The following EPHB2 variants were observed in gnomAD, a reference collection of about 807,000 sequenced individuals.
The protein encoded by EPHB2 is ephrin type-B receptor 2.
In EPHB2, 18 loss-of-function variants were observed where a neutral mutation model predicts 96.4. That is an observed-to-expected ratio of 0.19 (90% CI 0.13 to 0.28). The LOEUF (loss-of-function observed/expected upper bound fraction) is 0.28, where lower values mean the gene tolerates loss of function less well. EPHB2 is among the 10% of genes least tolerant of loss of function. The probability of loss-of-function intolerance (pLI) is 1.00; values close to 1 mark genes in which losing one functional copy is unlikely to be tolerated. For missense variants in EPHB2, 989 were observed against 1,355.4 expected, an observed-to-expected ratio of 0.73 and a Z score of 4.25; for synonymous variants, 506 against 534.1, an observed-to-expected ratio of 0.95 and a Z score of 0.72.
At chr1:22,828,687 C>T (rs936770347) in intron 3 of EPHB2, among the ~76,000 whole-genome samples, 3 of 152,118 alleles carry the variant, frequency 2.0e-5, no homozygotes, top group African/African-American at 7.2e-5. Context: ...CACAGTCAAG[C>T]AAGAATTTTA....
At chr1:22,729,911 G>A (rs1643668863) in intron 1 of EPHB2, among the ~76,000 whole-genome samples, 1 of 152,196 alleles carries the variant, frequency 6.6e-6, no homozygotes, top group African/African-American at 2.4e-5. Context: ...TTGGAAGAAT[G>A]AATGAATGAA....
Position 22,729,004 on chromosome 1 carries a change from C to T in EPHB2, c.61+17961C>T, listed in dbSNP as rs371139830. On this transcript the variant is annotated intron_variant, in intron 1 of 15. Transcript: ENST00000374630. ...GGCTGCCGTTCTGTCTGGAGCGCTG[C>T]GTGGAGAAACAAACACAGCTGTGTT... Among the ~76,000 whole-genome samples the T allele has an allele frequency of 2.2e-4, 33 of 152,332 alleles. No homozygotes were observed. The South Asian group carries it at 3.3e-3, about 15-fold the overall frequency.
At chr1:22,772,087 C>T (rs1055024764) in intron 1 of EPHB2, among the ~76,000 whole-genome samples, 5 of 150,422 alleles carry the variant, frequency 3.3e-5, no homozygotes, top group Non-Finnish European at 5.9e-5. Flanking sequence ...GCAACCCCGT[C>T]CCAGACCCCC....
chr1:22,742,921 A>T (rs1370189381), intron 1 of EPHB2, among the ~76,000 whole-genome samples: 9 of 150,720 alleles, frequency 6.0e-5, no homozygotes, highest in African/African-American at 2.0e-4. Context: ...ACAGGGTCTC[A>T]TACTCTGTCA....
chr1:22,788,431 C>A (rs1475280231), intron 3 of EPHB2, among the ~76,000 whole-genome samples: 1 of 152,252 alleles, frequency 6.6e-6, no homozygotes. Flanking sequence ...AGGACACCAG[C>A]TGTTGCTGTG....
chr1:22,831,987 G>A (rs1645310819), intron 3 of EPHB2, among the ~76,000 whole-genome samples: 1 of 152,292 alleles, frequency 6.6e-6, no homozygotes, highest in South Asian at 2.1e-4. Context: ...ACTGGGGAGA[G>A]GAAGAATTGG....
At chr1:22,745,238 G>A (rs1033228599) in intron 1 of EPHB2, among the ~76,000 whole-genome samples, 2 of 152,202 alleles carry the variant, frequency 1.3e-5, no homozygotes, top group Non-Finnish European at 2.9e-5. Flanking sequence ...TCATTCATAC[G>A]ATGGAATATG....
intron 5 of EPHB2, among the ~76,000 whole-genome samples, chr1:22,869,836 A>G (rs1638600454): frequency 6.6e-6 from 1 of 152,080 alleles, no homozygotes; most frequent in South Asian, 2.1e-4. Context: ...CGTGGTTGAA[A>G]TTTTACCTTG....
intron 3 of EPHB2, among the ~76,000 whole-genome samples, chr1:22,789,921 C>G (rs1384460505): frequency 6.6e-6 from 1 of 152,132 alleles, no homozygotes; most frequent in Non-Finnish European, 1.5e-5. Flanking sequence ...CTGAGAAACC[C>G]TGACACTCAG....
chr1:22,812,100 G>A (rs1440381915), intron 3 of EPHB2, among the ~76,000 whole-genome samples: 1 of 152,210 alleles, frequency 6.6e-6, no homozygotes, highest in Non-Finnish European at 1.5e-5. Context: ...GGGCAAGTCA[G>A]TTCACTTCTC....
intron 1 of EPHB2, among the ~76,000 whole-genome samples, chr1:22,721,889 TAC>T (rs1369077771): frequency 6.6e-6 from 1 of 152,140 alleles, no homozygotes; most frequent in Non-Finnish European, 1.5e-5. Context: ...GTGCTGGGAT[TAC>T]AGACATAAGC....
chr1:22,890,823 T>A (rs563073144), intron 6 of EPHB2, among the ~76,000 whole-genome samples: 1 of 152,314 alleles, frequency 6.6e-6, no homozygotes, highest in South Asian at 2.1e-4. Flanking sequence ...GGCACTTCTC[T>A]CTCCTGCCAC....
intron 5 of EPHB2, among the ~76,000 whole-genome samples, chr1:22,874,882 T>C (rs1338102658): frequency 6.6e-6 from 1 of 152,186 alleles, no homozygotes; most frequent in Non-Finnish European, 1.5e-5. Flanking sequence ...AGAACTATCA[T>C]GTGAGAAAAG....
chr1:22,901,978 G>T (rs542594483), intron 9 of EPHB2, among the ~76,000 whole-genome samples: 1 of 151,972 alleles, frequency 6.6e-6, no homozygotes, highest in East Asian at 1.9e-4. Flanking sequence ...AGCCTGCACT[G>T]CCATGCCTGG....
intron 1 of EPHB2, among the ~76,000 whole-genome samples, chr1:22,758,410 T>A (rs1644185505): frequency 6.6e-6 from 1 of 151,940 alleles, no homozygotes; most frequent in South Asian, 2.1e-4. Flanking sequence ...GGCAGTTGGA[T>A]GATATGGCAG....
Position 22,912,341 on chromosome 1 carries a change from T to G in EPHB2, c.2697-103T>G, listed in dbSNP as rs1640130747. The G allele has an allele frequency of 2.0e-6, 3 of 1,509,938 alleles. No individual in the cohort carries two copies. In the Admixed American group the frequency reaches 5.0e-5, roughly 25 times the overall value. The allele number at this position is 1,509,938 out of a possible 1,614,324, so 93.5% of individuals were successfully genotyped here. A position where few individuals can be genotyped will look rare whatever the true frequency, so the allele number is the denominator to read the frequency against. On this transcript the variant is annotated intron_variant, in intron 14 of 15. Coordinates refer to ENST00000374630, the MANE Select transcript of EPHB2 (RefSeq NM_017449.5). ...CTTCACCTGTGTTCACATAAATGGATGCACACGTGCACATTCACGCATACG... is the reference window on the plus strand; with the variant it reads ...CTTCACCTGTGTTCACATAAATGGAGGCACACGTGCACATTCACGCATACG...
chr1:22,712,035 C>G (rs1003789961), intron 1 of EPHB2, among the ~76,000 whole-genome samples: 2 of 152,346 alleles, frequency 1.3e-5, no homozygotes, highest in East Asian at 3.9e-4. Context: ...GTTTTCAAAC[C>G]ACTTTACAGT....
chr1:22,744,436 T>C (rs1037831119), intron 1 of EPHB2, among the ~76,000 whole-genome samples: 10 of 149,148 alleles, frequency 6.7e-5, no homozygotes, highest in African/African-American at 2.5e-4. Context: ...GTTGTATATA[T>C]ATATATGTTA....
At position 22,921,340 on chromosome 1, in the gene EPHB2, C is replaced by T. The variant is rs1298600916; in HGVS notation, c.*7770C>T. ...CTGATACAGCTGGGGTTCCAACCGCCGTGGGTCAGACCTGGCTCCTCCGGA... is the reference window on the plus strand; with the variant it reads ...CTGATACAGCTGGGGTTCCAACCGCTGTGGGTCAGACCTGGCTCCTCCGGA... On this transcript the variant is annotated 3_prime_UTR_variant, in exon 16 of 16. Transcript: ENST00000374630. The T allele has an allele frequency of 6.6e-6, 1 of 152,140 alleles. No individual in the cohort carries two copies. The highest frequency in any genetic ancestry group is 2.1e-4 in the South Asian group (1 of 4,822). The allele number at this position is 152,140 out of a possible 1,614,324, so 9.4% of individuals were successfully genotyped here. A position where few individuals can be genotyped will look rare whatever the true frequency, so the allele number is the denominator to read the frequency against.
Sources: gnomAD v4.1 joint callset for allele counts (sites outside exome capture counted in the v4.1 genomes callset) on GRCh38, gnomAD v4.1.1 for gene constraint, MANE v1.5 for transcripts, NCBI Gene and HGNC (gene_info 2026-07-23, HGNC 2026-07-21) for gene names.